The following PPP2R2B variants were observed in gnomAD, a reference collection of about 807,000 sequenced individuals.
PPP2R2B encodes the protein serine/threonine-protein phosphatase 2A 55 kDa regulatory subunit B beta isoform.
Under a neutral mutation model 46.0 loss-of-function variants are expected in PPP2R2B, and 5 were observed. That is an observed-to-expected ratio of 0.11 (90% CI 0.06 to 0.23). PPP2R2B has a LOEUF of 0.23. PPP2R2B is among the 10% of genes least tolerant of loss of function. PPP2R2B has a pLI of 1.00. For missense variants in PPP2R2B, 367 were observed against 575.0 expected, an observed-to-expected ratio of 0.64 and a Z score of 3.70; for synonymous variants, 215 against 206.7, an observed-to-expected ratio of 1.04 and a Z score of -0.34.
chr5:147,001,368 G>T (rs1269055556), intron 1 of PPP2R2B, among the ~76,000 whole-genome samples: 2 of 151,870 alleles, frequency 1.3e-5, no homozygotes, highest in Non-Finnish European at 2.9e-5. Flanking sequence ...TCAGCGAGAT[G>T]ATGAACCCAC....
chr5:147,050,157 A>C (rs1013445671), intron 1 of PPP2R2B, among the ~76,000 whole-genome samples: 7 of 152,214 alleles, frequency 4.6e-5, no homozygotes, highest in Non-Finnish European at 1.0e-4. Context: ...CATTGTACAT[A>C]AAATTCAAAA....
At chr5:146,753,360 T>C (rs1175356839) in intron 2 of PPP2R2B, among the ~76,000 whole-genome samples, 2 of 152,196 alleles carry the variant, frequency 1.3e-5, no homozygotes, top group African/African-American at 2.4e-5. Flanking sequence ...ACACAGAGAA[T>C]AGACAGTATA....
At chr5:147,004,825 T>C (rs1372532143) in intron 1 of PPP2R2B, among the ~76,000 whole-genome samples, 1 of 152,156 alleles carries the variant, frequency 6.6e-6, no homozygotes, top group Admixed American at 6.5e-5. Context: ...TTGTGGTCCT[T>C]ACTCAGACTC....
chr5:146,850,191 A>C (rs1025906342), intron 2 of PPP2R2B, among the ~76,000 whole-genome samples: 7 of 152,146 alleles, frequency 4.6e-5, no homozygotes, highest in Non-Finnish European at 4.4e-5. Flanking sequence ...GCCAGGGTAC[A>C]TGCTTTATGC....
chr5:147,037,902 A>T (rs1048072883), intron 1 of PPP2R2B, among the ~76,000 whole-genome samples: 2 of 152,194 alleles, frequency 1.3e-5, no homozygotes, highest in African/African-American at 2.4e-5. Flanking sequence ...CCAGCATCTA[A>T]TATTCTGCCT....
chr5:146,894,298 A>T (rs1452286414), intron 1 of PPP2R2B, among the ~76,000 whole-genome samples: 1 of 152,198 alleles, frequency 6.6e-6, no homozygotes, highest in Non-Finnish European at 1.5e-5. Context: ...AATACAATGT[A>T]ACAGATCTTT....
intron 7 of PPP2R2B, among the ~76,000 whole-genome samples, chr5:146,628,908 C>T (rs1172447732): frequency 6.6e-6 from 1 of 152,188 alleles, no homozygotes; most frequent in Non-Finnish European, 1.5e-5. Flanking sequence ...TCTCAGCTTA[C>T]ATGTGTTGGT....
In PPP2R2B at chr5:146,978,154, G is replaced by T. The variant is rs182183486; in HGVS notation, c.79+77511C>A. On this transcript the variant is annotated intron_variant, in intron 1 of 8. Coordinates refer to the PPP2R2B transcript ENST00000336640. Reference sequence around the variant, plus strand: ...ATAATGAGCATTTTTTCATATGTTTGTTGGCCACTTAAATGTCTTCTTTTA... The same window carrying T: ...ATAATGAGCATTTTTTCATATGTTTTTTGGCCACTTAAATGTCTTCTTTTA... 3.9e-3 allele frequency among the ~76,000 whole-genome samples: 596 copies of T among 152,160 alleles called. 4 individuals carry two copies. The highest frequency in any genetic ancestry group is 0.012 in the African/African-American group (506 of 41,522).
intron 2 of PPP2R2B, among the ~76,000 whole-genome samples, chr5:146,815,723 T>A (rs570063015): frequency 6.6e-6 from 1 of 152,184 alleles, no homozygotes; most frequent in Non-Finnish European, 1.5e-5. Flanking sequence ...TCCCCACTTT[T>A]CCACACACAC....
chr5:146,671,375 A>G (rs1180531133), intron 5 of PPP2R2B, among the ~76,000 whole-genome samples: 1 of 152,184 alleles, frequency 6.6e-6, no homozygotes, highest in African/African-American at 2.4e-5. Context: ...GAACCGCTAA[A>G]TGGTGGGTTT....
chr5:146,831,607 G>A (rs535992759), intron 2 of PPP2R2B, among the ~76,000 whole-genome samples: 57 of 150,864 alleles, frequency 3.8e-4, no homozygotes, highest in African/African-American at 1.3e-3. Flanking sequence ...CATGTACCTC[G>A]GAACTTAAAA....
intron 1 of PPP2R2B, among the ~76,000 whole-genome samples, chr5:146,917,188 A>G (rs1173387233): frequency 2.0e-5 from 3 of 152,224 alleles, no homozygotes; most frequent in Non-Finnish European, 4.4e-5. Context: ...AAGCTGCATC[A>G]TAGTTGCTCC....
intron 7 of PPP2R2B, among the ~76,000 whole-genome samples, chr5:146,624,522 A>C (rs759622411): frequency 6.6e-6 from 1 of 152,112 alleles, no homozygotes; most frequent in South Asian, 2.1e-4. Flanking sequence ...AGCCATGCTC[A>C]TCTCTTACCT....
At chr5:146,626,852 A>C (rs1421504616) in intron 7 of PPP2R2B, among the ~76,000 whole-genome samples, 2 of 152,076 alleles carry the variant, frequency 1.3e-5, no homozygotes, top group Non-Finnish European at 2.9e-5. Flanking sequence ...AATGAATAAC[A>C]CTCACTTCCA....
At chr5:146,760,537 T>C (rs541342867) in intron 2 of PPP2R2B, among the ~76,000 whole-genome samples, 1 of 152,310 alleles carries the variant, frequency 6.6e-6, no homozygotes, top group African/African-American at 2.4e-5. Context: ...GTGATAAGAC[T>C]GTATGTGATG....
chr5:146,986,938 C>G (rs748933358), intron 1 of PPP2R2B, among the ~76,000 whole-genome samples: 1 of 152,040 alleles, frequency 6.6e-6, no homozygotes, highest in Non-Finnish European at 1.5e-5. Context: ...ACAACTCAAA[C>G]AAGACTATCT....
intron 2 of PPP2R2B, among the ~76,000 whole-genome samples, chr5:146,795,904 C>A (rs1055603580): frequency 5.9e-5 from 9 of 152,128 alleles, no homozygotes; most frequent in African/African-American, 1.9e-4. Flanking sequence ...GATAAAAATT[C>A]TTTGTCATCA....
chr5:146,741,584 C>T (rs980664565), intron 2 of PPP2R2B, among the ~76,000 whole-genome samples: 3 of 152,066 alleles, frequency 2.0e-5, no homozygotes, highest in African/African-American at 4.8e-5. Flanking sequence ...GGGTATAATA[C>T]GAAGGGCGAC....
At chr5:146,934,935 G>A (rs903097652) in intron 1 of PPP2R2B, among the ~76,000 whole-genome samples, 2 of 151,930 alleles carry the variant, frequency 1.3e-5, no homozygotes, top group Admixed American at 1.3e-4. Flanking sequence ...AAAAAGATGG[G>A]AAATTATCAC....
Sources: allele counts gnomAD v4.1 joint callset (sites outside exome capture counted in the v4.1 genomes callset), GRCh38; gene constraint gnomAD v4.1.1; transcripts MANE v1.5; gene names NCBI Gene and HGNC (gene_info 2026-07-23, HGNC 2026-07-21).